The following PEAK3 variants were observed in gnomAD, a reference collection of about 807,000 sequenced individuals.
PEAK3 encodes protein PEAK3.
Under a neutral mutation model 13.3 loss-of-function variants are expected in PEAK3, and 15 were observed. That is an observed-to-expected ratio of 1.13 (90% CI 0.75 to 1.73). The LOEUF (loss-of-function observed/expected upper bound fraction) is 1.73. PEAK3 is among the 40% of genes most tolerant of loss of function. The probability of loss-of-function intolerance (pLI) is 0.00; values close to 1 mark genes in which losing one functional copy is unlikely to be tolerated. For synonymous variants in PEAK3, 347 were observed against 341.9 expected, an observed-to-expected ratio of 1.01 and a Z score of -0.17; for missense variants, 739 against 690.2, an observed-to-expected ratio of 1.07 and a Z score of -0.79.
chr19:2,278,702 C>G lies in PEAK3; in HGVS notation c.494G>C (p.Cys165Ser). 2.0e-6 allele frequency: 3 copies of G among 1,525,542 alleles called. No homozygotes were observed. The highest frequency in any genetic ancestry group is 2.6e-6 in the Non-Finnish European group (3 of 1,136,332). 94.5% of individuals were successfully genotyped at this position (1,525,542 alleles called of 1,614,324 possible). The change falls in exon 3 of 4, where the codon TGC becomes TCC. Residue 165 changes from cysteine (C) to serine (S), a missense_variant. Transcript: ENST00000342063. Reference sequence around the variant, plus strand: ...GAGGCGGAAGCTGTGGCCGGGGTGGCAGGGCCCGGGGTGGCCCCCCATGAG... The same window carrying G: ...GAGGCGGAAGCTGTGGCCGGGGTGGGAGGGCCCGGGGTGGCCCCCCATGAG... ...ARLMGGHPGP[C>S]HPGHSFRLLD...
intron 1 of PEAK3, among the ~76,000 whole-genome samples, chr19:2,281,379 G>A (rs1405702832): frequency 1.6e-5 from 2 of 123,438 alleles, no homozygotes; most frequent in African/African-American, 6.6e-5. Context: ...GTGTGATCCC[G>A]AGTGGGTTTC....
intron 3 of PEAK3, 149 bp from the exon 4 acceptor site, chr19:2,276,638 G>C: frequency 1.6e-6 from 1 of 636,698 alleles, no homozygotes; most frequent in Non-Finnish European, 2.6e-6. Flanking sequence ...TCCAGCAGCA[G>C]GAGGTCAGTG....
Position 2,275,911 on chromosome 19 carries a change from C to T in PEAK3, c.1191G>A (p.Ala397=). Residue 397 remains alanine (A), a synonymous_variant, in exon 4 of 4, where the codon GCG becomes GCA. Transcript: ENST00000342063. ...GCTCAGGCCCGGGCCCCCAGAGCAG[C>T]GCCTGCAGCGCGCCCCGCGTCCGGG... The part of the protein sequence containing the change: ...SASRTRGALQ[A]LLWGPGPELR... 7.3e-7 allele frequency: 1 copy of T among 1,375,576 alleles called. No individual in the cohort carries two copies. Among genetic ancestry groups the T allele is most frequent in the Non-Finnish European group, 9.3e-7 (1 of 1,072,148 alleles). 85.2% of individuals were successfully genotyped at this position (1,375,576 alleles called of 1,614,324 possible).
rs746687676 is a variant in PEAK3, at chr19:2,278,891, G to A, written c.305C>T (p.Ala102Val). The A allele has an allele frequency of 6.3e-6, 10 of 1,596,932 alleles. No individual in the cohort carries two copies. Among genetic ancestry groups the A allele is most frequent in the Admixed American group, 1.7e-5 (1 of 57,240 alleles). Residue 102 changes from alanine to valine, a missense_variant, in exon 3 of 4, where the codon GCA becomes GTA. Ala to Val is a moderately conservative substitution (Grantham distance 64). Coordinates refer to ENST00000342063, the MANE Select transcript of PEAK3 (RefSeq NM_198532.3). ...GSHSVDKSQA[A>V]VGPACLPAEL... The stretch of plus-strand genomic sequence containing the variant: ...TGCAGGGAGACAGGCTGGTCCCACT[G>A]CAGCCTGGCTCTTGTCCACACTGTG...
Position 2,278,814 on chromosome 19 carries a change from G to C in PEAK3, c.382C>G (p.Leu128Val). 3 of 1,593,752 alleles carry C rather than the reference G, an allele frequency of 1.9e-6. No homozygotes were observed. Among genetic ancestry groups the C allele is most frequent in the Non-Finnish European group, 2.6e-6 (3 of 1,170,512 alleles). The change falls in exon 3 of 4, where the codon CTG becomes GTG. Residue 128 changes from leucine (L) to valine (V), a missense_variant. By Grantham distance (32) the Leu-to-Val change is conservative. Coordinates refer to ENST00000342063, the MANE Select transcript of PEAK3 (RefSeq NM_198532.3). ...GTGTGCACAGCCTCCGGGCTGTGCA[G>C]ATCGCGGAGGGAGAGGCCCAGTGGG... ...DAPLGLSLRD[L>V]HSPEAVHTAL...
rs4807219 is a variant in PEAK3, at chr19:2,275,472, C to T, written c.*208G>A. 0.15 allele frequency: 62,008 copies of T among 421,192 alleles called. 7,858 individuals are homozygous for T. The highest frequency in any genetic ancestry group is 0.54 in the East Asian group (14,570 of 26,966). The allele number at this position is 421,192 out of a possible 1,614,324, so 26.1% of individuals were successfully genotyped here. ...ACAGGAGGCGCTGGCCAGCCCCCAG[C>T]CCTGGAGGGGCAGCTGCATTCCTGG... On this transcript the variant is annotated 3_prime_UTR_variant, in exon 4 of 4. Coordinates refer to ENST00000342063, the MANE Select transcript of PEAK3 (RefSeq NM_198532.3).
rs2025379511 is a variant in PEAK3 at position 2,275,804 on chromosome 19, A to C, written c.1298T>G (p.Leu433Arg). Residue 433 changes from leucine to arginine, a missense_variant, in exon 4 of 4, where the codon CTG becomes CGG. Physicochemically the swap from Leu to Arg is moderately radical, Grantham distance 102. Transcript: ENST00000342063. ...ACCTGCGGCCCGCTCTGCTAGGCGC[A>C]GGACCAGCAGCCCGCGGCGCACCCG... is the stretch of plus-strand genomic sequence containing the variant. ...WLRVRRGLLV[L>R]RLAERAAGGE... 1 of 1,547,808 alleles carries C rather than the reference A, an allele frequency of 6.5e-7. No homozygotes were observed. The highest frequency in any genetic ancestry group is 1.9e-5 in the Admixed American group (1 of 52,812).
At position 2,276,027 on chromosome 19, in the gene PEAK3, G is replaced by A; in HGVS notation, c.1075C>T (p.Leu359=). 1 of 1,431,542 alleles carries A rather than the reference G, an allele frequency of 7.0e-7. No individual in the cohort carries two copies. The highest frequency in any genetic ancestry group is 1.5e-5 in the South Asian group (1 of 67,740). The allele number at this position is 1,431,542 out of a possible 1,614,324, so 88.7% of individuals were successfully genotyped here. A position where few individuals can be genotyped will look rare whatever the true frequency, so the allele number is the denominator to read the frequency against. ...GTCGAGGGCGCAGCAAGGCTGAGCAGCGCTCGGAGGAGGCTGCCCAGCTGC... is the reference window on the plus strand; with the variant it reads ...GTCGAGGGCGCAGCAAGGCTGAGCAACGCTCGGAGGAGGCTGCCCAGCTGC... ...APQLGSLLRA[L]LSLAAPSTTP... The change falls in exon 4 of 4, where the codon CTG becomes TTG. Residue 359 remains leucine, a synonymous_variant. Transcript: ENST00000342063.
rs747470984 is a variant in PEAK3, at chr19:2,280,953, G to A, written c.-4-18C>T. ...TCATGTTGCTGGGGAAAGGTCAAAC[G>A]GGGCGTGTGTGGGGTGACCGTGTGC... On this transcript the variant is annotated intron_variant, in intron 1 of 3. Transcript: ENST00000342063. 1.3e-5 allele frequency: 20 copies of A among 1,509,744 alleles called. No homozygotes were observed. Among genetic ancestry groups the A allele is most frequent in the African/African-American group, 4.2e-5 (3 of 70,892 alleles). 93.5% of individuals were successfully genotyped at this position (1,509,744 alleles called of 1,614,324 possible).
At position 2,276,952 on chromosome 19, in the gene PEAK3, C is replaced by T. The variant is rs540283665; in HGVS notation, c.613-463G>A. On this transcript the variant is annotated intron_variant, in intron 3 of 3. Coordinates refer to ENST00000342063, the MANE Select transcript of PEAK3 (RefSeq NM_198532.3). ...GCTTGAGCCCGGGAGGTGGAGGTTGCAGTGAGCCGAGAACGCGCCACTGCA... is the reference window on the plus strand; with the variant it reads ...GCTTGAGCCCGGGAGGTGGAGGTTGTAGTGAGCCGAGAACGCGCCACTGCA... Among the ~76,000 whole-genome samples the T allele has an allele frequency of 4.6e-5, 7 of 152,186 alleles. No individual in the cohort carries two copies. The South Asian group carries it at 1.5e-3, about 32-fold the overall frequency.
chr19:2,278,712 G>T lies in PEAK3; in HGVS notation c.484C>A (p.Pro162Thr). The T allele has an allele frequency of 1.3e-6, 2 of 1,532,390 alleles. No individual in the cohort carries two copies. Among genetic ancestry groups the T allele is most frequent in the Non-Finnish European group, 1.8e-6 (2 of 1,138,572 alleles). The allele number at this position is 1,532,390 out of a possible 1,614,324, so 94.9% of individuals were successfully genotyped here. Residue 162 changes from proline (P) to threonine (T), a missense_variant, in exon 3 of 4, where the codon CCC (proline) becomes ACC (threonine). Coordinates refer to ENST00000342063, the MANE Select transcript of PEAK3 (RefSeq NM_198532.3). ...CTGTGGCCGGGGTGGCAGGGCCCGG[G>T]GTGGCCCCCCATGAGCCGGGCACGG... ...RLRARLMGGH[P>T]GPCHPGHSFR...
In PEAK3 at chr19:2,275,416, G is replaced by T. The variant is rs1184684746; in HGVS notation, c.*264C>A. 2 of 346,202 alleles carry T rather than the reference G, an allele frequency of 5.8e-6. No homozygotes were observed. The highest frequency in any genetic ancestry group is 8.6e-5 in the East Asian group (2 of 23,298). 21.4% of individuals were successfully genotyped at this position (346,202 alleles called of 1,614,324 possible). The stretch of plus-strand genomic sequence containing the variant: ...TTGTCCACACCTGGAAGTGGCGTGG[G>T]GGCCCTGGCTTCAGAGAGCTGCTGC... On this transcript the variant is annotated 3_prime_UTR_variant, in exon 4 of 4. Coordinates refer to ENST00000342063, the MANE Select transcript of PEAK3 (RefSeq NM_198532.3).
chr19:2,280,958 G>A lies in PEAK3; in HGVS notation c.-4-23C>T, dbSNP rs377074302. On this transcript the variant is annotated intron_variant, in intron 1 of 3. Coordinates refer to ENST00000342063, the MANE Select transcript of PEAK3 (RefSeq NM_198532.3). ...TTGCTGGGGAAAGGTCAAACGGGGC[G>A]TGTGTGGGGTGACCGTGTGCACGCA... The A allele has an allele frequency of 9.3e-5, 135 of 1,459,294 alleles. No homozygotes were observed. The African/African-American group carries it at 1.4e-3, about 15-fold the overall frequency. 90.4% of individuals were successfully genotyped at this position (1,459,294 alleles called of 1,614,324 possible).
At position 2,275,830 on chromosome 19, in the gene PEAK3, C is replaced by CAGCCAGGGCCCGAGCGCTCGG. The variant is rs2025379904; in HGVS notation, c.1251_1271dup (p.Ala419_Arg425dup). On this transcript the variant is annotated inframe_insertion, in exon 4 of 4. Coordinates refer to ENST00000342063, the MANE Select transcript of PEAK3 (RefSeq NM_198532.3). Reference sequence around the variant, plus strand: ...GGACCAGCAGCCCGCGGCGCACCCGCAGCCAGGGCCCGAGCGCTCGGAGCC... The same window carrying CAGCCAGGGCCCGAGCGCTCGG: ...GGACCAGCAGCCCGCGGCGCACCCGCAGCCAGGGCCCGAGCGCTCGGAGCCAGGGCCCGAGCGCTCGGAGCC... 3.3e-6 allele frequency: 5 copies of CAGCCAGGGCCCGAGCGCTCGG among 1,511,688 alleles called. No individual in the cohort carries two copies. Among genetic ancestry groups the CAGCCAGGGCCCGAGCGCTCGG allele is most frequent in the Non-Finnish European group, 4.4e-6 (5 of 1,136,048 alleles). The allele number at this position is 1,511,688 out of a possible 1,614,324, so 93.6% of individuals were successfully genotyped here. A position where few individuals can be genotyped will look rare whatever the true frequency, so the allele number is the denominator to read the frequency against.
intron 3 of PEAK3, 24 bp downstream of exon 3, chr19:2,278,560 A>G: frequency 1.4e-6 from 2 of 1,460,486 alleles, no homozygotes; most frequent in Non-Finnish European, 1.8e-6. Flanking sequence ...GACACCTCAG[A>G]GAGGGTGGGG....
In PEAK3 at chr19:2,276,368, G is replaced by T; in HGVS notation, c.734C>A (p.Ala245Glu). The part of the protein sequence containing the change: ...GLVPEGTLPG[A>E]PWRGAVALAA... The stretch of plus-strand genomic sequence containing the variant: ...CAGCGCCACTGCGCCTCTCCAGGGC[G>T]CCCCGGGCAGTGTGCCTTCAGGCAC... The change falls in exon 4 of 4, where the codon GCG becomes GAG. Residue 245 changes from alanine to glutamate, a missense_variant. Transcript: ENST00000342063. 2 of 1,599,448 alleles carry T rather than the reference G, an allele frequency of 1.3e-6. No individual in the cohort carries two copies. Among genetic ancestry groups the T allele is most frequent in the Non-Finnish European group, 8.5e-7 (1 of 1,178,658 alleles).
At chr19:2,278,326 A>T (rs2025409032) in intron 3 of PEAK3, among the ~76,000 whole-genome samples, 1 of 143,378 alleles carries the variant, frequency 7.0e-6, no homozygotes, top group South Asian at 2.2e-4. Context: ...CACCACACCT[A>T]ATTTTTGTAT....
At position 2,278,698 on chromosome 19, in the gene PEAK3, G is replaced by T; in HGVS notation, c.498C>A (p.His166Gln). ...CTAGGAGGCGGAAGCTGTGGCCGGG[G>T]TGGCAGGGCCCGGGGTGGCCCCCCA... Reference protein sequence around the residue: ...RLMGGHPGPCHPGHSFRLLDS... With the variant: ...RLMGGHPGPCQPGHSFRLLDS... The change falls in exon 3 of 4, where the codon CAC becomes CAA. Residue 166 changes from histidine (H) to glutamine (Q), a missense_variant. His to Gln is a conservative substitution (Grantham distance 24). Coordinates refer to ENST00000342063, the MANE Select transcript of PEAK3 (RefSeq NM_198532.3). 6.5e-7 allele frequency: 1 copy of T among 1,527,196 alleles called. No individual in the cohort carries two copies. The allele number at this position is 1,527,196 out of a possible 1,614,324, so 94.6% of individuals were successfully genotyped here.
At chr19:2,281,070 C>T (rs1053652208) in intron 1 of PEAK3, 135 bp from the exon 2 acceptor site, 6 of 572,918 alleles carry the variant, frequency 1.0e-5, no homozygotes, top group South Asian at 4.3e-5. Flanking sequence ...TGAGAACAGG[C>T]GCACCCACAC....
Sources: allele counts gnomAD v4.1 joint callset (sites outside exome capture counted in the v4.1 genomes callset), GRCh38; gene constraint gnomAD v4.1.1; transcripts MANE v1.5; gene names NCBI Gene and HGNC (gene_info 2026-07-23, HGNC 2026-07-21).